DGKB: variants seen among roughly 807,000 people sequenced by gnomAD.
DGKB encodes the protein 90 kDa diacylglycerol kinase.
DGKB carries 67 observed loss-of-function variants against 114.3 expected under a neutral mutation model. The ratio of observed to expected loss-of-function variants is 0.59; its 90% CI spans 0.48 to 0.72. The LOEUF is 0.72. Among genes scored for constraint, DGKB ranks in the 30% least tolerant of loss-of-function variants. DGKB has a pLI of 0.00. For synonymous variants in DGKB, 398 were observed against 323.1 expected (o/e 1.23, Z -2.49); for missense variants, 907 against 975.2 (o/e 0.93, Z 0.93).
chr7:14,731,647 A>T (rs1830940247), intron 5 of DGKB, among the ~76,000 whole-genome samples: 1 of 152,164 alleles, frequency 6.6e-6, no homozygotes, highest in Admixed American at 6.5e-5. Flanking sequence ...ATGGGAGATG[A>T]CAATTTTGAT....
rs1159408605 is a variant in DGKB at position 14,367,068 on chromosome 7, C to T, written c.1836-21677G>A. ...GATCCTTTCCCAGGCTAGAGACATG[C>T]GGTGCAATACTCTCTTGCGATGCCA... On this transcript the variant is annotated intron_variant, in intron 21 of 25. Transcript: ENST00000402815. Among the ~76,000 whole-genome samples, 6 of 152,080 alleles carry T rather than the reference C, an allele frequency of 3.9e-5. No individual in the cohort carries two copies. The South Asian group carries it at 6.2e-4, about 16-fold the overall frequency.
chr7:14,387,065 C>T (rs1160654044), intron 21 of DGKB, among the ~76,000 whole-genome samples: 1 of 151,330 alleles, frequency 6.6e-6, no homozygotes, highest in Non-Finnish European at 1.5e-5. Context: ...ATATATGAGG[C>T]TCATGTAAAA....
At chr7:14,392,995 G>GTTTTTGTTTTTTTTTTTTTTGT in intron 21 of DGKB, among the ~76,000 whole-genome samples, 3 of 60,546 alleles carry the variant, frequency 5.0e-5, no homozygotes, top group South Asian at 8.2e-4. Flanking sequence ...TTTTGTTTTT[G>GTTTTTGTTTTTTTTTTTTTTGT]TTTTTTTTTT....
At chr7:14,364,986 G>C (rs1816413378) in intron 21 of DGKB, among the ~76,000 whole-genome samples, 1 of 151,866 alleles carries the variant, frequency 6.6e-6, no homozygotes, top group Non-Finnish European at 1.5e-5. Flanking sequence ...ACCACATTAT[G>C]ACACTGGCTG....
At chr7:14,769,128 AG>A (rs1562487756) in intron 2 of DGKB, among the ~76,000 whole-genome samples, 82 of 87,274 alleles carry the variant, frequency 9.4e-4, no homozygotes, top group African/African-American at 7.2e-3. Context: ...AAAGAAAGAG[AG>A]AGAGAGAAAG....
intron 5 of DGKB, among the ~76,000 whole-genome samples, chr7:14,720,138 T>C (rs577134628): frequency 3.3e-5 from 5 of 152,088 alleles, no homozygotes; most frequent in Non-Finnish European, 5.9e-5. Context: ...GTGGGATTCA[T>C]AATTGCCCAA....
intron 23 of DGKB, among the ~76,000 whole-genome samples, chr7:14,202,837 G>T (rs370052051): frequency 6.6e-6 from 1 of 151,778 alleles, no homozygotes; most frequent in Admixed American, 6.6e-5. Flanking sequence ...TCTATTAAAT[G>T]GTGATTTATT....
At chr7:14,547,396 T>C (rs10252073) in intron 20 of DGKB, among the ~76,000 whole-genome samples, 19,667 of 152,220 alleles carry the variant, frequency 0.13, 1,845 homozygotes, top group East Asian at 0.34. Context: ...ATGACAATTA[T>C]ATTATGATAA....
At chr7:14,737,125 C>T (rs1831836997) in intron 4 of DGKB, among the ~76,000 whole-genome samples, 1 of 151,986 alleles carries the variant, frequency 6.6e-6, no homozygotes, top group South Asian at 2.1e-4. Context: ...AGATGTAGAC[C>T]ACATGGAGGA....
At chr7:14,890,249 A>T (rs1405322969) in intron 1 of DGKB, among the ~76,000 whole-genome samples, 1 of 151,522 alleles carries the variant, frequency 6.6e-6, no homozygotes, top group African/African-American at 2.4e-5. Flanking sequence ...ATAGGAAAGA[A>T]ATGCCAGATA....
chr7:14,382,237 T>C (rs901989867), intron 21 of DGKB, among the ~76,000 whole-genome samples: 1 of 151,736 alleles, frequency 6.6e-6, no homozygotes, highest in Admixed American at 6.6e-5. Context: ...ATGAATTTCT[T>C]ATCCGTAATC....
intron 13 of DGKB, among the ~76,000 whole-genome samples, chr7:14,649,905 T>C (rs1814045102): frequency 7.1e-6 from 1 of 141,468 alleles, no homozygotes; most frequent in African/African-American, 2.8e-5. Flanking sequence ...AAGAAGGCCA[T>C]TACATAATGG....
At chr7:14,448,652 T>C (rs771125328) in intron 21 of DGKB, among the ~76,000 whole-genome samples, 8 of 152,114 alleles carry the variant, frequency 5.3e-5, no homozygotes, top group African/African-American at 1.2e-4. Context: ...AAAAAACAAG[T>C]AATTTACTTT....
intron 2 of DGKB, among the ~76,000 whole-genome samples, chr7:14,827,876 A>G (rs1042833994): frequency 6.6e-6 from 1 of 151,430 alleles, no homozygotes; most frequent in African/African-American, 2.4e-5. Context: ...TTATAGGGAA[A>G]GAAAATTTGA....
chr7:14,541,467 T>C (rs1460938037), intron 20 of DGKB, among the ~76,000 whole-genome samples: 1 of 152,212 alleles, frequency 6.6e-6, no homozygotes, highest in African/African-American at 2.4e-5. Context: ...AAGCAAGTCA[T>C]AAACAGATAA....
chr7:14,534,561 A>T (rs912781702), intron 20 of DGKB, among the ~76,000 whole-genome samples: 3 of 152,070 alleles, frequency 2.0e-5, no homozygotes, highest in African/African-American at 7.2e-5. Flanking sequence ...CCAAAACAGG[A>T]CCCAACTAGA....
intron 1 of DGKB, among the ~76,000 whole-genome samples, chr7:14,932,698 G>T (rs1019829404): frequency 6.6e-6 from 1 of 152,024 alleles, no homozygotes; most frequent in African/African-American, 2.4e-5. Context: ...TATTAATAAC[G>T]CAAAACAATA....
intron 16 of DGKB, among the ~76,000 whole-genome samples, chr7:14,609,268 C>T (rs776533462): frequency 1.3e-5 from 2 of 151,878 alleles, no homozygotes; most frequent in Non-Finnish European, 2.9e-5. Flanking sequence ...TTCAACAAGG[C>T]CAACAAATAC....
chr7:14,226,814 T>C (rs1790875415), intron 23 of DGKB, among the ~76,000 whole-genome samples: 1 of 152,050 alleles, frequency 6.6e-6, no homozygotes, highest in Non-Finnish European at 1.5e-5. Flanking sequence ...GTGGTTACTT[T>C]TCAAAATGAA....
Sources: gnomAD v4.1 joint callset for allele counts (sites outside exome capture counted in the v4.1 genomes callset) on GRCh38, gnomAD v4.1.1 for gene constraint, MANE v1.5 for transcripts, NCBI Gene and HGNC (gene_info 2026-07-23, HGNC 2026-07-21) for gene names.